The following CCSER2 variants were observed in gnomAD, a reference collection of about 807,000 sequenced individuals.
CCSER2 encodes the protein coiled-coil serine rich protein 2, also known as serine-rich coiled-coil domain-containing protein 2.
Under a neutral mutation model 92.3 loss-of-function variants are expected in CCSER2, and 46 were observed. The ratio of observed to expected loss-of-function variants is 0.50; its 90% CI spans 0.39 to 0.64. The LOEUF (loss-of-function observed/expected upper bound fraction) is 0.64. Among genes scored for constraint, CCSER2 ranks in the 30% least tolerant of loss-of-function variants. CCSER2 has a pLI of 0.00. For missense variants in CCSER2, 1,244 were observed against 1,238.9 expected (o/e 1.00, Z -0.06); for synonymous variants, 433 against 431.4 (o/e 1.00, Z -0.04).
At chr10:84,392,059 G>A in intron 3 of CCSER2, 2 of 1,059,340 alleles carry the variant, frequency 1.9e-6, no homozygotes, top group Admixed American at 1.8e-5. Context: ...ATACACTTAA[G>A]CTGCAGTCCC....
intron 3 of CCSER2, among the ~76,000 whole-genome samples, chr10:84,394,382 A>AGTGTGTGTGTGTGT (rs879520976): frequency 1.1e-5 from 1 of 91,118 alleles, no homozygotes; most frequent in East Asian, 5.2e-4. Flanking sequence ...ACAAAAGGAA[A>AGTGTGTGTGTGTGT]GTATGTGTGT....
chr10:84,380,383 A>T (rs1464941146), intron 3 of CCSER2, among the ~76,000 whole-genome samples: 1 of 152,120 alleles, frequency 6.6e-6, no homozygotes, highest in Non-Finnish European at 1.5e-5. Flanking sequence ...AATTCTTGTT[A>T]AATGTGTTGC....
Position 84,371,878 on chromosome 10 carries a change from C to A in CCSER2, c.826C>A (p.Gln276Lys), listed in dbSNP as rs1200073810. The change falls in exon 2 of 10, where the codon CAG becomes AAG. Residue 276 changes from glutamine to lysine, a missense_variant. By Grantham distance (53) the Gln-to-Lys change is moderately conservative. Coordinates refer to ENST00000372088, the MANE Select transcript of CCSER2 (RefSeq NM_001284240.2). ...AAGTATGCTAACAAGAAATTCCCGG[C>A]AGCCAGAAGTACTCAATGGGAATGA... ...RSSMLTRNSR[Q>K]PEVLNGNEHL... The A allele has an allele frequency of 6.2e-7, 1 of 1,613,626 alleles. No homozygotes were observed. The highest frequency in any genetic ancestry group is 1.1e-5 in the South Asian group (1 of 91,064).
chr10:84,460,781 T>C (rs1846060762), intron 6 of CCSER2, among the ~76,000 whole-genome samples: 2 of 152,216 alleles, frequency 1.3e-5, no homozygotes. Context: ...ATATTATTAT[T>C]GCTTTATTTA....
chr10:84,458,906 G>GT (rs200172575), intron 6 of CCSER2, among the ~76,000 whole-genome samples: 123 of 151,688 alleles, frequency 8.1e-4, no homozygotes, highest in East Asian at 5.6e-3. Flanking sequence ...ATAAATGGTA[G>GT]TTTTTTTTAA....
chr10:84,452,458 G>A (rs1845349292), intron 6 of CCSER2, among the ~76,000 whole-genome samples: 1 of 152,236 alleles, frequency 6.6e-6, no homozygotes, highest in South Asian at 2.1e-4. Context: ...AATAGAGGAA[G>A]GTTTATCCAT....
At chr10:84,471,798 T>C (rs1846817892) in intron 8 of CCSER2, among the ~76,000 whole-genome samples, 3 of 152,088 alleles carry the variant, frequency 2.0e-5, no homozygotes, top group African/African-American at 7.2e-5. Context: ...AAATCCTTAA[T>C]TTTTCTGAAA....
intron 3 of CCSER2, among the ~76,000 whole-genome samples, chr10:84,404,636 C>G (rs180755689): frequency 8.9e-4 from 135 of 152,112 alleles, no homozygotes; most frequent in African/African-American, 3.2e-3. Flanking sequence ...GGATCATTGT[C>G]CTCAAAAGTC....
chr10:84,371,107 G>A lies in CCSER2; in HGVS notation c.55G>A (p.Gly19Arg), dbSNP rs1173904191. The change falls in exon 2 of 10, where the codon GGA becomes AGA. Residue 19 changes from glycine to arginine, a missense_variant. By Grantham distance (125) the Gly-to-Arg change is moderately radical. Coordinates refer to ENST00000372088, the MANE Select transcript of CCSER2 (RefSeq NM_001284240.2). Reference protein sequence around the residue: ...TFLGSKLPKYGTKSVRSTLQP... With the variant: ...TFLGSKLPKYRTKSVRSTLQP... ...TTTGGGTTCCAAGTTGCCAAAGTAT[G>A]GAACAAAATCTGTAAGAAGTACATT... The A allele has an allele frequency of 1.2e-6, 2 of 1,608,368 alleles. No homozygotes were observed. Among genetic ancestry groups the A allele is most frequent in the Non-Finnish European group, 1.7e-6 (2 of 1,178,140 alleles).
chr10:84,396,550 C>T (rs924349598), intron 3 of CCSER2, among the ~76,000 whole-genome samples: 2 of 151,930 alleles, frequency 1.3e-5, no homozygotes, highest in African/African-American at 4.8e-5. Flanking sequence ...TGGGTTCTGC[C>T]CACATCGTGG....
intron 9 of CCSER2, among the ~76,000 whole-genome samples, chr10:84,498,588 TTTTCA>T (rs1265234329): frequency 2.0e-5 from 3 of 152,194 alleles, no homozygotes; most frequent in African/African-American, 7.2e-5. Flanking sequence ...AGAAAAATTT[TTTTCA>T]TTTCAGACCC....
At chr10:84,406,104 A>G (rs1842362776) in intron 3 of CCSER2, among the ~76,000 whole-genome samples, 1 of 152,268 alleles carries the variant, frequency 6.6e-6, no homozygotes, top group Admixed American at 6.5e-5. Context: ...AATAGTACTC[A>G]GCAGTAAAAA....
intron 3 of CCSER2, chr10:84,374,049 C>T: frequency 1.0e-5 from 9 of 898,014 alleles, no homozygotes; most frequent in South Asian, 1.9e-5. Context: ...ATTCCTCATA[C>T]ATATGTGCAT....
At position 84,332,715 on chromosome 10, in the gene CCSER2, G is replaced by C. The variant is rs1233963147; in HGVS notation, c.-40+3907G>C. ...ACCTGTAATCTCAGCACTTTGGGAGGGTGAGGCGGGAGAATCGCTTGAGCC... is the reference window on the plus strand; with the variant it reads ...ACCTGTAATCTCAGCACTTTGGGAGCGTGAGGCGGGAGAATCGCTTGAGCC... On this transcript the variant is annotated intron_variant, in intron 1 of 9. Coordinates refer to ENST00000372088, the MANE Select transcript of CCSER2 (RefSeq NM_001284240.2). 2.6e-5 allele frequency among the ~76,000 whole-genome samples: 4 copies of C among 151,900 alleles called. No individual in the cohort carries two copies. In the East Asian group the frequency reaches 7.7e-4, roughly 29 times the overall value.
intron 3 of CCSER2, among the ~76,000 whole-genome samples, chr10:84,381,140 C>G (rs1319563985): frequency 6.6e-6 from 1 of 152,176 alleles, no homozygotes; most frequent in Non-Finnish European, 1.5e-5. Flanking sequence ...AGTATCATCT[C>G]TCACTAACTC....
intron 6 of CCSER2, among the ~76,000 whole-genome samples, chr10:84,445,694 T>C (rs1246940503): frequency 6.6e-6 from 1 of 152,236 alleles, no homozygotes; most frequent in Non-Finnish European, 1.5e-5. Flanking sequence ...TATTTGAACT[T>C]TGAAATGAAA....
In CCSER2 at chr10:84,467,996, C is replaced by G. The variant is rs375530490; in HGVS notation, c.2149-2376C>G. Among the ~76,000 whole-genome samples, 26 of 152,282 alleles carry G rather than the reference C, an allele frequency of 1.7e-4. No homozygotes were observed. In the East Asian group the frequency reaches 3.9e-3, roughly 23 times the overall value. On this transcript the variant is annotated intron_variant, in intron 7 of 9. Transcript: ENST00000372088. The stretch of plus-strand genomic sequence containing the variant: ...TTTGTCCTCTAAACACCTGTCAAAG[C>G]CATCTCAAATGCAAATCTGTCACTC...
chr10:84,357,454 T>G (rs866732020), intron 1 of CCSER2, among the ~76,000 whole-genome samples: 13 of 147,772 alleles, frequency 8.8e-5, no homozygotes, highest in South Asian at 2.1e-4. Flanking sequence ...TTTTTGTGTT[T>G]TTTTTTTTTT....
At chr10:84,512,082 C>G (rs1039105214) in intron 9 of CCSER2, among the ~76,000 whole-genome samples, 2 of 151,960 alleles carry the variant, frequency 1.3e-5, no homozygotes, top group African/African-American at 4.8e-5. Flanking sequence ...GTTGATGAGC[C>G]TTGCCCTCAG....
Sources: allele counts gnomAD v4.1 joint callset (sites outside exome capture counted in the v4.1 genomes callset), GRCh38; gene constraint gnomAD v4.1.1; transcripts MANE v1.5; gene names NCBI Gene and HGNC (gene_info 2026-07-23, HGNC 2026-07-21).